Variants in AUTS2 observed in about 807,000 individuals in gnomAD.
AUTS2 encodes autism susceptibility gene 2 protein.
In AUTS2, 17 loss-of-function variants were observed where a neutral mutation model predicts 112.4. That is an observed-to-expected ratio of 0.15 (90% CI 0.10 to 0.23). The LOEUF is 0.23. Ranked by LOEUF, AUTS2 falls within the 10% of genes least tolerant of loss-of-function variation. AUTS2 has a pLI of 1.00. For missense variants in AUTS2, 1,510 were observed against 1,701.6 expected (o/e 0.89, Z 1.98); for synonymous variants, 751 against 702.7 (o/e 1.07, Z -1.09).
chr7:70,449,336 C>T (rs1796438150), intron 5 of AUTS2, among the ~76,000 whole-genome samples: 1 of 152,166 alleles, frequency 6.6e-6, no homozygotes, highest in African/African-American at 2.4e-5. Flanking sequence ...TTGCTAAGAT[C>T]CAAGGGAGAG....
intron 6 of AUTS2, among the ~76,000 whole-genome samples, chr7:70,742,750 G>A (rs113460660): frequency 0.011 from 1,745 of 152,084 alleles, 25 homozygotes; most frequent in African/African-American, 0.039. Flanking sequence ...CAACAGGAGC[G>A]AAACTCCATC....
At chr7:70,228,221 C>T (rs1402736498) in intron 4 of AUTS2, among the ~76,000 whole-genome samples, 1 of 151,634 alleles carries the variant, frequency 6.6e-6, no homozygotes, top group East Asian at 1.9e-4. Context: ...AGTATTCTCT[C>T]TCCCCTTTAT....
intron 4 of AUTS2, among the ~76,000 whole-genome samples, chr7:70,256,390 G>C (rs1786871411): frequency 6.6e-6 from 1 of 152,192 alleles, no homozygotes; most frequent in African/African-American, 2.4e-5. Context: ...GGCAGCAATG[G>C]TGGTGTCGCC....
At chr7:69,808,521 A>C (rs1320253947) in intron 1 of AUTS2, among the ~76,000 whole-genome samples, 2 of 152,292 alleles carry the variant, frequency 1.3e-5, no homozygotes, top group African/African-American at 2.4e-5. Context: ...GTAAAAAAAA[A>C]ATTTTTTTTC....
intron 1 of AUTS2, among the ~76,000 whole-genome samples, chr7:69,678,525 T>C (rs932294105): frequency 2.6e-5 from 4 of 152,212 alleles, no homozygotes; most frequent in Non-Finnish European, 5.9e-5. Context: ...GGCGAAATGG[T>C]GTTATTACTT....
At chr7:70,368,180 A>G (rs528751802) in intron 4 of AUTS2, among the ~76,000 whole-genome samples, 1 of 152,338 alleles carries the variant, frequency 6.6e-6, no homozygotes, top group African/African-American at 2.4e-5. Flanking sequence ...TATGTATAAA[A>G]TGAGATTAGT....
chr7:70,656,490 T>C (rs765730025), intron 5 of AUTS2, among the ~76,000 whole-genome samples: 1 of 152,214 alleles, frequency 6.6e-6, no homozygotes, highest in African/African-American at 2.4e-5. Flanking sequence ...AGATGCCAAA[T>C]GGAGCTAATC....
intron 5 of AUTS2, among the ~76,000 whole-genome samples, chr7:70,587,536 A>G (rs13236715): frequency 0.08 from 12,166 of 152,276 alleles, 753 homozygotes; most frequent in African/African-American, 0.17. Context: ...CAGCATCTGT[A>G]CACAGGTGAT....
intron 5 of AUTS2, among the ~76,000 whole-genome samples, chr7:70,546,461 T>G (rs143584798): frequency 2.0e-4 from 28 of 141,040 alleles, no homozygotes; most frequent in South Asian, 1.1e-3. Flanking sequence ...ATCAAAAAAT[T>G]TAATATAATA....
intron 5 of AUTS2, among the ~76,000 whole-genome samples, chr7:70,461,380 G>A (rs1277509035): frequency 6.6e-6 from 1 of 152,074 alleles, no homozygotes; most frequent in African/African-American, 2.4e-5. Context: ...AAGAGAGGGA[G>A]GACACAAGGG....
At chr7:70,506,240 G>A (rs956795345) in intron 5 of AUTS2, among the ~76,000 whole-genome samples, 10 of 152,194 alleles carry the variant, frequency 6.6e-5, no homozygotes, top group Admixed American at 2.6e-4. Context: ...GCAAGGGGGT[G>A]GTGAGGAGCG....
rs138893983 is a variant in AUTS2 at position 70,270,813 on chromosome 7, A to G, written c.660+136242A>G. On this transcript the variant is annotated intron_variant, in intron 4 of 18. Coordinates refer to ENST00000342771, the MANE Select transcript of AUTS2 (RefSeq NM_015570.4). ...AGCTTTCCAGCAGTCCCTTGAGTACATTGAGAGGGTGCATGGAGGGAAGAC... is the reference window on the plus strand; with the variant it reads ...AGCTTTCCAGCAGTCCCTTGAGTACGTTGAGAGGGTGCATGGAGGGAAGAC... Among the ~76,000 whole-genome samples, 967 of 152,250 alleles carry G rather than the reference A, an allele frequency of 6.4e-3. 8 individuals are homozygous for G. The highest frequency in any genetic ancestry group is 0.022 in the African/African-American group (903 of 41,542).
chr7:70,074,115 G>C (rs1166066149), intron 2 of AUTS2, among the ~76,000 whole-genome samples: 1 of 152,198 alleles, frequency 6.6e-6, no homozygotes, highest in Non-Finnish European at 1.5e-5. Flanking sequence ...TGATCAACAT[G>C]TAGAAGAGCT....
At chr7:69,873,856 G>A (rs971912837) in intron 1 of AUTS2, among the ~76,000 whole-genome samples, 7 of 152,158 alleles carry the variant, frequency 4.6e-5, no homozygotes, top group African/African-American at 1.7e-4. Context: ...GGAAGAAGTT[G>A]ATTTATTCAT....
chr7:70,481,821 G>A (rs1382431955), intron 5 of AUTS2, among the ~76,000 whole-genome samples: 1 of 152,168 alleles, frequency 6.6e-6, no homozygotes, highest in Non-Finnish European at 1.5e-5. Flanking sequence ...CGATTGCTTA[G>A]GGGTCTGAAA....
At chr7:70,550,616 T>C (rs887364988) in intron 5 of AUTS2, among the ~76,000 whole-genome samples, 1 of 152,182 alleles carries the variant, frequency 6.6e-6, no homozygotes, top group Non-Finnish European at 1.5e-5. Context: ...GGCTTCTTGC[T>C]ATTGGAGTGG....
At chr7:70,658,444 C>T (rs1344554737) in intron 5 of AUTS2, among the ~76,000 whole-genome samples, 2 of 152,262 alleles carry the variant, frequency 1.3e-5, no homozygotes, top group Non-Finnish European at 2.9e-5. Flanking sequence ...TGATCCATCT[C>T]TCGGCTGAAT....
intron 2 of AUTS2, among the ~76,000 whole-genome samples, chr7:69,965,081 C>T (rs892074087): frequency 5.9e-5 from 9 of 152,080 alleles, no homozygotes; most frequent in African/African-American, 1.9e-4. Flanking sequence ...TCTATCTGTA[C>T]TGTTATTATA....
chr7:70,538,409 G>A (rs1335223091), intron 5 of AUTS2, among the ~76,000 whole-genome samples: 1 of 151,974 alleles, frequency 6.6e-6, no homozygotes, highest in Non-Finnish European at 1.5e-5. Flanking sequence ...GCGGCTGTCT[G>A]CCACCTGCTA....
Sources: allele counts gnomAD v4.1 joint callset (sites outside exome capture counted in the v4.1 genomes callset), GRCh38; gene constraint gnomAD v4.1.1; transcripts MANE v1.5; gene names NCBI Gene and HGNC (gene_info 2026-07-23, HGNC 2026-07-21).